Variants in LRSAM1 observed in about 807,000 individuals in gnomAD.
LRSAM1 encodes E3 ubiquitin-protein ligase LRSAM1.
LRSAM1 carries 96 observed loss-of-function variants against 118.1 expected under a neutral mutation model. The ratio of observed to expected loss-of-function variants is 0.81; its 90% confidence interval spans 0.69 to 0.96. The LOEUF (loss-of-function observed/expected upper bound fraction) is 0.96. Among genes scored for constraint, LRSAM1 ranks in the 40% least tolerant of loss-of-function variants. LRSAM1 has a pLI of 0.00. For synonymous variants in LRSAM1, 322 were observed against 364.2 expected (o/e 0.88, Z 1.32); for missense variants, 804 against 915.5 (o/e 0.88, Z 1.57).
At chr9:127,494,682 G>A (rs539585295) in intron 21 of LRSAM1, among the ~76,000 whole-genome samples, 1 of 152,048 alleles carries the variant, frequency 6.6e-6, no homozygotes, top group Non-Finnish European at 1.5e-5. Context: ...AGTGGCTCAC[G>A]CCTGTAATCC....
At chr9:127,469,837 C>G (rs564231332) in intron 10 of LRSAM1, among the ~76,000 whole-genome samples, 2 of 151,968 alleles carry the variant, frequency 1.3e-5, no homozygotes, top group Non-Finnish European at 2.9e-5. Context: ...TGGTGGCGGG[C>G]GCCTGTAGTC....
At chr9:127,493,098 G>A (rs1425689844) in intron 21 of LRSAM1, among the ~76,000 whole-genome samples, 1 of 152,236 alleles carries the variant, frequency 6.6e-6, no homozygotes, top group African/African-American at 2.4e-5. Context: ...GTCTCACTCT[G>A]TCGCCCAGGC....
At chr9:127,453,642 G>A (rs1282779823) in intron 2 of LRSAM1, 3 of 152,220 alleles carry the variant, frequency 2.0e-5, no homozygotes, top group Non-Finnish European at 2.9e-5. Flanking sequence ...CTGAGGAAAC[G>A]TCTCTAAGTT....
intron 23 of LRSAM1, 103 bp from the exon 24 acceptor site, chr9:127,497,147 CAGG>C (rs1836178321): frequency 8.9e-6 from 10 of 1,128,258 alleles, no homozygotes; most frequent in Non-Finnish European, 1.2e-5. Flanking sequence ...ACATTTCCAG[CAGG>C]AGGTGTCGAC....
intron 8 of LRSAM1, 101 bp downstream of exon 8, chr9:127,461,358 G>A: frequency 9.8e-7 from 1 of 1,021,540 alleles, no homozygotes. Context: ...TGAGCAGGAG[G>A]GCAGCCAGTC....
intron 10 of LRSAM1, among the ~76,000 whole-genome samples, chr9:127,471,355 C>T (rs1835158985): frequency 1.3e-5 from 2 of 151,236 alleles, no homozygotes; most frequent in South Asian, 2.1e-4. Context: ...CCTGTAGTGC[C>T]AGCTGCTCGG....
In LRSAM1 at chr9:127,460,287, C is replaced by T. The variant is rs141024805; in HGVS notation, c.322-886C>T. Among the ~76,000 whole-genome samples, 418 of 152,274 alleles carry T rather than the reference C, an allele frequency of 2.7e-3. 3 individuals carry two copies. The highest frequency in any genetic ancestry group is 9.3e-3 in the African/African-American group (387 of 41,542). On this transcript the variant is annotated intron_variant, in intron 7 of 25. Transcript: ENST00000300417. ...TGCTGGGATTACAGGTGTTAGCCAC[C>T]GTGCCTGGCCCCCATTGCATCTATT...
Position 127,479,950 on chromosome 9 carries a change from A to C in LRSAM1, c.1015A>C (p.Ile339Leu), listed in dbSNP as rs1336481389. The C allele has an allele frequency of 4.3e-6, 7 of 1,614,074 alleles. No homozygotes were observed. The highest frequency in any genetic ancestry group is 5.9e-6 in the Non-Finnish European group (7 of 1,180,048). The change falls in exon 14 of 26, where the codon ATC becomes CTC. Residue 339 changes from isoleucine to leucine, a missense_variant. Coordinates refer to ENST00000300417, the MANE Select transcript of LRSAM1 (RefSeq NM_001005373.4). ...GACGGAACAGAACATTTCCAGCCGG[A>C]TCCAGAAGCTGCTGCAGGACAATCA... The part of the protein sequence containing the change: ...KQTEQNISSR[I>L]QKLLQDNQRQ...
At chr9:127,475,772 ACTC>A (rs887423252) in intron 11 of LRSAM1, among the ~76,000 whole-genome samples, 8 of 151,600 alleles carry the variant, frequency 5.3e-5, no homozygotes, top group African/African-American at 1.9e-4. Context: ...ATGGAGTCTC[ACTC>A]TGTTGCCCAG....
intron 18 of LRSAM1, among the ~76,000 whole-genome samples, chr9:127,488,286 A>C (rs1482649584): frequency 6.6e-6 from 1 of 151,864 alleles, no homozygotes; most frequent in South Asian, 2.1e-4. Context: ...TTTGAGATGG[A>C]GTTTCCCTCT....
At chr9:127,474,335 A>G (rs1159099546) in intron 11 of LRSAM1, among the ~76,000 whole-genome samples, 1 of 148,778 alleles carries the variant, frequency 6.7e-6, no homozygotes, top group African/African-American at 2.5e-5. Context: ...TGGTGTGATC[A>G]TAGCTCGCTG....
chr9:127,463,366 G>A (rs1834821199), intron 9 of LRSAM1, among the ~76,000 whole-genome samples: 2 of 152,088 alleles, frequency 1.3e-5, no homozygotes, highest in Non-Finnish European at 2.9e-5. Flanking sequence ...AGCTGGGAGG[G>A]AGAGAAGGAG....
At chr9:127,493,381 A>G (rs1163718492) in intron 21 of LRSAM1, among the ~76,000 whole-genome samples, 1 of 152,150 alleles carries the variant, frequency 6.6e-6, no homozygotes, top group Non-Finnish European at 1.5e-5. Flanking sequence ...GTTTTGATGC[A>G]TATTTTCCAA....
intron 5 of LRSAM1, among the ~76,000 whole-genome samples, chr9:127,456,527 A>G (rs761638089): frequency 2.6e-5 from 4 of 150,980 alleles, no homozygotes; most frequent in Non-Finnish European, 3.0e-5. Context: ...CACCACGCCC[A>G]GTCTGTGCTG....
chr9:127,473,330 A>G (rs1248844035), intron 10 of LRSAM1, among the ~76,000 whole-genome samples: 1 of 152,254 alleles, frequency 6.6e-6, no homozygotes, highest in Non-Finnish European at 1.5e-5. Flanking sequence ...ATTAACTACA[A>G]TATATAAAGA....
chr9:127,468,860 G>A (rs1015214755), intron 10 of LRSAM1, among the ~76,000 whole-genome samples: 2 of 149,036 alleles, frequency 1.3e-5, no homozygotes, highest in African/African-American at 2.5e-5. Flanking sequence ...GTGGTGGCAC[G>A]TGCCTGTGTT....
At chr9:127,470,697 A>G (rs1226941124) in intron 10 of LRSAM1, among the ~76,000 whole-genome samples, 2 of 152,128 alleles carry the variant, frequency 1.3e-5, no homozygotes, top group Non-Finnish European at 2.9e-5. Context: ...AGAATGAGCC[A>G]CTGCTCCTTT....
In LRSAM1 at chr9:127,501,060, C is replaced by T. The variant is rs1291622809; in HGVS notation, c.1963C>T (p.Pro655Ser). 1.9e-6 allele frequency: 3 copies of T among 1,613,930 alleles called. No homozygotes were observed. Among genetic ancestry groups the T allele is most frequent in the Non-Finnish European group, 2.5e-6 (3 of 1,180,024 alleles). Residue 655 changes from proline to serine, a missense_variant, in exon 25 of 26, where the codon CCT (proline) becomes TCT (serine). Transcript: ENST00000300417. ...EVVTPTAPQE[P>S]PESVRPSAPP... ...CGTCACCCCTACGGCCCCCCAGGAG[C>T]CTCCTGAGTCTGTGAGGCCATCCGC...
intron 25 of LRSAM1, among the ~76,000 whole-genome samples, chr9:127,502,466 C>T (rs544538830): frequency 7.6e-4 from 116 of 152,210 alleles, no homozygotes; most frequent in African/African-American, 2.7e-3. Context: ...GGGCAGATCA[C>T]TTGGGGTCAG....
Sources: allele counts gnomAD v4.1 joint callset (sites outside exome capture counted in the v4.1 genomes callset), GRCh38; gene constraint gnomAD v4.1.1; transcripts MANE v1.5; gene names NCBI Gene and HGNC (gene_info 2026-07-23, HGNC 2026-07-21).